Variants in LMNTD1 observed in about 807,000 individuals in gnomAD.
The protein encoded by LMNTD1 is lamin tail domain-containing protein 1.
LMNTD1 carries 35 observed loss-of-function variants against 50.9 expected under a neutral mutation model. That is an observed-to-expected ratio of 0.69 (90% confidence interval 0.53 to 0.91). The LOEUF is 0.91. LMNTD1 is among the 40% of genes least tolerant of loss of function. LMNTD1 has a pLI of 0.00. For synonymous variants in LMNTD1, 153 were observed against 161.9 expected, an observed-to-expected ratio of 0.94 and a Z score of 0.42; for missense variants, 470 against 475.5, an observed-to-expected ratio of 0.99 and a Z score of 0.11.
upstream of LMNTD1, among the ~76,000 whole-genome samples, chr12:25,553,883 A>C (rs1410156365): frequency 6.6e-6 from 1 of 152,238 alleles, no homozygotes; most frequent in African/African-American, 2.4e-5. Context: ...CTTATTAAAA[A>C]TAGTTAATAA....
At chr12:25,477,500 T>C (rs1378196130) in intron 9 of LMNTD1, among the ~76,000 whole-genome samples, 1 of 151,614 alleles carries the variant, frequency 6.6e-6, no homozygotes. Flanking sequence ...GGAAGAAAAA[T>C]TGAAAGGTAA....
intron 1 of LMNTD1, among the ~76,000 whole-genome samples, chr12:25,561,242 C>G (rs1690728815): frequency 6.6e-6 from 1 of 152,130 alleles, no homozygotes; most frequent in Non-Finnish European, 1.5e-5. Context: ...GTTAGGGTGT[C>G]AATTTTAGGT....
At chr12:25,646,231 T>G (rs1011118848) in intron 1 of LMNTD1, among the ~76,000 whole-genome samples, 2 of 151,992 alleles carry the variant, frequency 1.3e-5, no homozygotes, top group Admixed American at 1.3e-4. Context: ...AGGCCTGTTG[T>G]TCATTGACAG....
At chr12:25,506,742 CTTATT>C (rs1939816034) in intron 8 of LMNTD1, among the ~76,000 whole-genome samples, 1 of 150,518 alleles carries the variant, frequency 6.6e-6, no homozygotes, top group African/African-American at 2.4e-5. Context: ...AAAAATTGGT[CTTATT>C]TATTTTACTA....
chr12:25,482,883 T>G (rs1334245854), intron 9 of LMNTD1, among the ~76,000 whole-genome samples: 4 of 151,928 alleles, frequency 2.6e-5, no homozygotes, highest in Non-Finnish European at 5.9e-5. Context: ...CGGAAAAGAA[T>G]GCTGTCGGGC....
intron 1 of LMNTD1, among the ~76,000 whole-genome samples, chr12:25,587,963 C>A (rs890863038): frequency 5.3e-5 from 8 of 152,084 alleles, no homozygotes; most frequent in Non-Finnish European, 8.8e-5. Context: ...TTACCAGGCA[C>A]CATGGTCTTG....
intron 1 of LMNTD1, among the ~76,000 whole-genome samples, chr12:25,624,276 C>A (rs542310853): frequency 2.6e-5 from 4 of 152,142 alleles, no homozygotes; most frequent in Non-Finnish European, 5.9e-5. Flanking sequence ...TTAAAATTTG[C>A]CATCAGTCTT....
At chr12:25,568,749 C>T (rs971184304) in intron 1 of LMNTD1, among the ~76,000 whole-genome samples, 1 of 152,218 alleles carries the variant, frequency 6.6e-6, no homozygotes, top group African/African-American at 2.4e-5. Flanking sequence ...CTCCAGAGGG[C>T]ACAAGCTATT....
chr12:25,644,352 G>T (rs11837545), intron 1 of LMNTD1, among the ~76,000 whole-genome samples: 1 of 151,242 alleles, frequency 6.6e-6, no homozygotes, highest in African/African-American at 2.4e-5. Flanking sequence ...AAGCATGGTG[G>T]CATGTGCCTG....
At chr12:25,600,018 G>A (rs567526628) in intron 1 of LMNTD1, among the ~76,000 whole-genome samples, 2 of 152,020 alleles carry the variant, frequency 1.3e-5, no homozygotes, top group South Asian at 2.1e-4. Context: ...GAACAAAACT[G>A]GAGGAATCAT....
At chr12:25,537,699 AG>A (rs1333989901) in intron 4 of LMNTD1, among the ~76,000 whole-genome samples, 1 of 152,196 alleles carries the variant, frequency 6.6e-6, no homozygotes, top group Non-Finnish European at 1.5e-5. Context: ...GCTCCTCACC[AG>A]CAACAGAACA....
chr12:25,503,445 A>G (rs1939501049), intron 9 of LMNTD1, among the ~76,000 whole-genome samples: 1 of 152,136 alleles, frequency 6.6e-6, no homozygotes, highest in African/African-American at 2.4e-5. Flanking sequence ...GTTTGAAGTG[A>G]CTCTGGAGTT....
At chr12:25,551,813 G>A (rs118040544) in intron 2 of LMNTD1, among the ~76,000 whole-genome samples, 4 of 152,248 alleles carry the variant, frequency 2.6e-5, no homozygotes, top group South Asian at 4.1e-4. Context: ...GTCTTCTTTT[G>A]GAAGATGAGA....
At chr12:25,499,139 C>G (rs1023608786) in intron 9 of LMNTD1, among the ~76,000 whole-genome samples, 1 of 152,122 alleles carries the variant, frequency 6.6e-6, no homozygotes, top group Non-Finnish European at 1.5e-5. Flanking sequence ...TGGCATGATC[C>G]TAGCTCACTG....
chr12:25,546,239 C>G (rs2136224310), intron 4 of LMNTD1, 135 bp downstream of exon 4: 3 of 434,900 alleles, frequency 6.9e-6, no homozygotes, highest in East Asian at 7.1e-5. Context: ...GAAGATGAAA[C>G]AGTTATATTT....
chr12:25,494,910 C>G (rs1399368081), intron 9 of LMNTD1, among the ~76,000 whole-genome samples: 2 of 152,140 alleles, frequency 1.3e-5, no homozygotes, highest in Non-Finnish European at 2.9e-5. Context: ...TCATTATTAA[C>G]TGTCACTGGG....
intron 1 of LMNTD1, among the ~76,000 whole-genome samples, chr12:25,606,464 G>C (rs1205354092): frequency 2.6e-5 from 4 of 152,222 alleles, no homozygotes; most frequent in Admixed American, 6.5e-5. Context: ...TATTGGCTGT[G>C]GGTTTGTCAT....
chr12:25,481,434 T>C lies in LMNTD1; in HGVS notation c.*23-4974A>G, dbSNP rs548957236. On this transcript the variant is annotated intron_variant, in intron 9 of 9. Coordinates refer to ENST00000458174, the MANE Select transcript of LMNTD1 (RefSeq NM_001145728.2). ...GCAGGCAAGTCATTCTATATTTAAG[T>C]TGTTTGCAAATAACTTCATATATTA... Among the ~76,000 whole-genome samples the C allele has an allele frequency of 7.9e-5, 12 of 152,174 alleles. No individual in the cohort carries two copies. In the East Asian group the frequency reaches 2.1e-3, roughly 27 times the overall value.
At chr12:25,639,706 A>G (rs1946912643) in intron 1 of LMNTD1, among the ~76,000 whole-genome samples, 1 of 152,212 alleles carries the variant, frequency 6.6e-6, no homozygotes, top group Non-Finnish European at 1.5e-5. Flanking sequence ...GTTTGTGGGA[A>G]TGTAAAATGG....
Sources: allele counts gnomAD v4.1 joint callset (sites outside exome capture counted in the v4.1 genomes callset), GRCh38; gene constraint gnomAD v4.1.1; transcripts MANE v1.5; gene names NCBI Gene and HGNC (gene_info 2026-07-23, HGNC 2026-07-21).